TBCK: variants seen among roughly 807,000 people sequenced by gnomAD.
TBCK encodes the protein TBC domain-containing protein kinase-like protein.
In TBCK, 99 loss-of-function variants were observed where a neutral mutation model predicts 113.4. The observed-to-expected ratio is 0.87, with a 90% confidence interval of 0.74 to 1.03. The LOEUF is 1.03. Ranked by LOEUF, TBCK falls within the 50% of genes least tolerant of loss-of-function variation. The pLI is 0.00. For synonymous variants in TBCK, 369 were observed against 370.8 expected (o/e 1.00, Z 0.05); for missense variants, 1,045 against 1,061.3 (o/e 0.98, Z 0.21).
intron 3 of TBCK, among the ~76,000 whole-genome samples, chr4:106,288,058 T>A (rs1342771081): frequency 1.3e-5 from 2 of 150,370 alleles, no homozygotes; most frequent in Non-Finnish European, 2.9e-5. Context: ...TGTTTCTCTA[T>A]GAGGGATTGA....
At chr4:106,070,264 A>G (rs572904006) in intron 25 of TBCK, among the ~76,000 whole-genome samples, 88 of 152,228 alleles carry the variant, frequency 5.8e-4, no homozygotes, top group African/African-American at 2.0e-3. Flanking sequence ...TCAGTATGAT[A>G]TTGGCTGTGG....
intron 23 of TBCK, among the ~76,000 whole-genome samples, chr4:106,131,237 G>A (rs976327791): frequency 1.3e-5 from 2 of 152,260 alleles, no homozygotes; most frequent in African/African-American, 2.4e-5. Context: ...CCCGAGCCAT[G>A]TGGAACTGTC....
chr4:106,111,559 T>C (rs542421425), intron 24 of TBCK, among the ~76,000 whole-genome samples: 10 of 152,316 alleles, frequency 6.6e-5, no homozygotes, highest in African/African-American at 2.2e-4. Context: ...CAGTATCATG[T>C]AAATCAAGCT....
chr4:106,181,650 G>C (rs1352161886), intron 22 of TBCK, among the ~76,000 whole-genome samples: 1 of 152,088 alleles, frequency 6.6e-6, no homozygotes, highest in African/African-American at 2.4e-5. Context: ...GCTTGTGTGT[G>C]TCAGGTTTGT....
At chr4:106,259,223 T>C (rs1311230468) in intron 5 of TBCK, among the ~76,000 whole-genome samples, 1 of 151,770 alleles carries the variant, frequency 6.6e-6, no homozygotes, top group East Asian at 1.9e-4. Context: ...TAATTTGAGT[T>C]ATAAAGAAAA....
At chr4:106,182,131 T>C (rs1292567642) in intron 22 of TBCK, among the ~76,000 whole-genome samples, 2 of 152,172 alleles carry the variant, frequency 1.3e-5, no homozygotes, top group Non-Finnish European at 2.9e-5. Context: ...TTAGTAGCAA[T>C]TGTGAATGGG....
intron 23 of TBCK, among the ~76,000 whole-genome samples, chr4:106,142,574 C>A (rs1349586992): frequency 1.3e-5 from 2 of 152,136 alleles, no homozygotes; most frequent in African/African-American, 4.8e-5. Flanking sequence ...TCAGTAGACT[C>A]ACTGAATCCT....
intron 3 of TBCK, among the ~76,000 whole-genome samples, chr4:106,283,502 C>G (rs1223167971): frequency 6.6e-6 from 1 of 152,044 alleles, no homozygotes; most frequent in Non-Finnish European, 1.5e-5. Flanking sequence ...CTGTACATTG[C>G]ACTAAAGATT....
chr4:106,150,631 G>T (rs1006200478), intron 23 of TBCK, among the ~76,000 whole-genome samples: 1 of 152,026 alleles, frequency 6.6e-6, no homozygotes, highest in African/African-American at 2.4e-5. Flanking sequence ...CCAACTATAT[G>T]CTAGGGGCTA....
chr4:106,181,136 T>C (rs1007715604), intron 22 of TBCK, among the ~76,000 whole-genome samples: 8 of 152,196 alleles, frequency 5.3e-5, no homozygotes, highest in African/African-American at 1.9e-4. Context: ...GAGCATTTTT[T>C]CATATGTCTG....
intron 2 of TBCK, among the ~76,000 whole-genome samples, chr4:106,306,087 A>G (rs1334646913): frequency 6.7e-6 from 1 of 149,358 alleles, no homozygotes; most frequent in East Asian, 2.0e-4. Flanking sequence ...ACAAGATCCA[A>G]GAACCTTCTC....
At chr4:106,085,271 AAAAACAAAACAAAAC>A (rs140682905) in intron 25 of TBCK, among the ~76,000 whole-genome samples, 2 of 149,990 alleles carry the variant, frequency 1.3e-5, no homozygotes, top group Admixed American at 6.7e-5. Flanking sequence ...AAATGGAAAG[AAAAACAAAACAAAAC>A]AAAACAAAAC....
intron 22 of TBCK, among the ~76,000 whole-genome samples, chr4:106,178,406 A>G (rs12504704): frequency 0.19 from 28,343 of 151,898 alleles, 2,668 homozygotes; most frequent in South Asian, 0.25. Flanking sequence ...AGATTTTACA[A>G]AAAAGCCTGT....
intron 24 of TBCK, among the ~76,000 whole-genome samples, chr4:106,115,327 C>A (rs897581205): frequency 1.3e-5 from 2 of 152,068 alleles, no homozygotes; most frequent in African/African-American, 2.4e-5. Flanking sequence ...TGGAAATATT[C>A]CAAAATCCTA....
chr4:106,093,384 G>C (rs952376163), intron 25 of TBCK, among the ~76,000 whole-genome samples: 1 of 152,164 alleles, frequency 6.6e-6, no homozygotes, highest in Non-Finnish European at 1.5e-5. Flanking sequence ...GTGGGTGCCT[G>C]TAGTGCCAGC....
intron 23 of TBCK, among the ~76,000 whole-genome samples, chr4:106,138,694 A>G (rs1746842928): frequency 7.1e-6 from 1 of 141,222 alleles, no homozygotes; most frequent in Non-Finnish European, 1.6e-5. Context: ...CTACTAGGAT[A>G]TACGTTTCTA....
chr4:106,145,448 A>G (rs2149665296), intron 23 of TBCK, among the ~76,000 whole-genome samples: 1 of 152,356 alleles, frequency 6.6e-6, no homozygotes, highest in South Asian at 2.1e-4. Flanking sequence ...GCTCACACAT[A>G]TTCACATATT....
At chr4:106,253,538 A>G (rs1560914748) in intron 5 of TBCK, among the ~76,000 whole-genome samples, 1 of 152,134 alleles carries the variant, frequency 6.6e-6, no homozygotes, top group Non-Finnish European at 1.5e-5. Context: ...TGTTTTTCAA[A>G]ACGAGTTATA....
chr4:106,054,165 A>G (rs1452835321), intron 25 of TBCK, among the ~76,000 whole-genome samples: 2 of 151,648 alleles, frequency 1.3e-5, no homozygotes, highest in Non-Finnish European at 3.0e-5. Flanking sequence ...TCCATAGTCT[A>G]TGAGGTCTTA....
Sources: allele counts gnomAD v4.1 joint callset (sites outside exome capture counted in the v4.1 genomes callset), GRCh38; gene constraint gnomAD v4.1.1; transcripts MANE v1.5; gene names NCBI Gene and HGNC (gene_info 2026-07-23, HGNC 2026-07-21).